CTDSP1: variants seen among roughly 807,000 people sequenced by gnomAD.
CTDSP1 encodes carboxy-terminal domain RNA polymerase II polypeptide A small phosphatase 1.
CTDSP1 carries 15 observed loss-of-function variants against 32.5 expected under a neutral mutation model. That is an observed-to-expected ratio of 0.46 (90% CI 0.31 to 0.71). The LOEUF (loss-of-function observed/expected upper bound fraction) is 0.71. Ranked by LOEUF, CTDSP1 falls within the 30% of genes least tolerant of loss-of-function variation. The pLI, the probability that CTDSP1 is intolerant of heterozygous loss-of-function variation, is 0.05. For missense variants in CTDSP1, 294 were observed against 351.1 expected (o/e 0.84, Z 1.30); for synonymous variants, 185 against 145.4 (o/e 1.27, Z -1.96).
At position 218,399,919 on chromosome 2, in the gene CTDSP1, G is replaced by A; in HGVS notation, c.-172G>A. 8.0e-7 allele frequency: 1 copy of A among 1,245,416 alleles called. No individual in the cohort carries two copies. Among genetic ancestry groups the A allele is most frequent in the Non-Finnish European group, 1.0e-6 (1 of 993,454 alleles). The allele number at this position is 1,245,416 out of a possible 1,614,324, so 77.1% of individuals were successfully genotyped here. ...CATGTTGTAACAAAGTTTCCTCCGC[G>A]CCCCCTCCCTCCCCCTCCCCCCTAG... On this transcript the variant is annotated 5_prime_UTR_variant, in exon 1 of 7. Transcript: ENST00000273062.
At chr2:218,402,714 G>A (rs781643021) in intron 4 of CTDSP1, 12 of 758,150 alleles carry the variant, frequency 1.6e-5, no homozygotes, top group African/African-American at 8.5e-5. Flanking sequence ...TACTTGGCTC[G>A]GGGACCGGTG....
upstream of CTDSP1, chr2:218,398,251 A>G: frequency 1.5e-6 from 1 of 667,240 alleles, no homozygotes; most frequent in Non-Finnish European, 2.6e-6. Flanking sequence ...CCTTGCCGGT[A>G]GACCCGAAGC....
chr2:218,399,676 G>A (rs1696997891), upstream of CTDSP1: 5 of 936,870 alleles, frequency 5.3e-6, no homozygotes, highest in Non-Finnish European at 6.4e-6. Context: ...CAGAGACTCA[G>A]CCCCGCCGGC....
chr2:218,402,994 G>GCCCCACTGGCCCGCAGCCC, intron 4 of CTDSP1, 41 bp from the exon 5 acceptor site: 1 of 1,482,514 alleles, frequency 6.7e-7, no homozygotes, highest in South Asian at 1.1e-5. Flanking sequence ...CCCCCACACT[G>GCCCCACTGGCCCGCAGCCC]CCCCACTGGC....
upstream of CTDSP1, chr2:218,398,485 A>C (rs1427818884): frequency 6.8e-7 from 1 of 1,479,750 alleles, no homozygotes; most frequent in Non-Finnish European, 9.0e-7. Context: ...CCGGGGTATC[A>C]GTCCCCGACA....
chr2:218,404,627 T>C lies in CTDSP1; in HGVS notation c.*202T>C, dbSNP rs1697326900. ...TGAGGACCGTGAGCTCCAGGCCCCG[T>C]GTCAGTGCCTTCAAACCTCCTCCCC... On this transcript the variant is annotated 3_prime_UTR_variant, in exon 7 of 7. Transcript: ENST00000273062. 2 of 583,062 alleles carry C rather than the reference T, an allele frequency of 3.4e-6. No homozygotes were observed. Among genetic ancestry groups the C allele is most frequent in the East Asian group, 6.0e-5 (2 of 33,316 alleles). The allele number at this position is 583,062 out of a possible 1,614,324, so 36.1% of individuals were successfully genotyped here.
intron 3 of CTDSP1, 32 bp from the exon 4 acceptor site, chr2:218,402,317 C>A (rs1206204057): frequency 6.2e-7 from 1 of 1,613,816 alleles, no homozygotes; most frequent in African/African-American, 1.3e-5. Context: ...GGGGCTCCTC[C>A]TCCAACTCCA....
upstream of CTDSP1, chr2:218,398,129 C>T (rs548059162): frequency 2.5e-5 from 12 of 486,340 alleles, no homozygotes; most frequent in South Asian, 1.5e-4. Context: ...CACACGCTTC[C>T]TTTTGGGGTC....
At chr2:218,401,993 G>A (rs751463399) in intron 2 of CTDSP1, 118 bp from the exon 3 acceptor site, 88 of 760,808 alleles carry the variant, frequency 1.2e-4, no homozygotes, top group Non-Finnish European at 1.9e-4. Flanking sequence ...TGGGAAGGGG[G>A]AAGTATCTGT....
At position 218,403,218 on chromosome 2, in the gene CTDSP1, C is replaced by T. The variant is rs893335202; in HGVS notation, c.472-14C>T. ...AACCTGCGGGCCCCAGGATGACCCA[C>T]CTCCTGCTCCCAGTACGCAGACCCA... On this transcript the variant is annotated splice_polypyrimidine_tract_variant and intron_variant, in intron 5 of 6. Transcript: ENST00000273062. 1 of 1,611,378 alleles carries T rather than the reference C, an allele frequency of 6.2e-7. No homozygotes were observed. The highest frequency in any genetic ancestry group is 1.7e-4 in the Middle Eastern group (1 of 6,060).
intron 6 of CTDSP1, among the ~76,000 whole-genome samples, chr2:218,404,052 C>A (rs1182384823): frequency 6.6e-6 from 1 of 151,356 alleles, no homozygotes; most frequent in Admixed American, 6.6e-5. Flanking sequence ...AGAGCAAGAC[C>A]CTGCCTCAAA....
chr2:218,399,710 C>G, upstream of CTDSP1: 1 of 991,270 alleles, frequency 1.0e-6, no homozygotes, highest in Non-Finnish European at 1.2e-6. Context: ...GGAGGCGACG[C>G]CCCCTGGAGC....
rs762028780 is a variant in CTDSP1 at position 218,401,564 on chromosome 2, G to A, written c.68G>A (p.Gly23Asp). Residue 23 changes from glycine to aspartate, a missense_variant and splice_region_variant, in exon 2 of 7, where the codon GGT (glycine) becomes GAT (aspartate). Gly to Asp is a moderately conservative substitution (Grantham distance 94). Coordinates refer to ENST00000273062, the MANE Select transcript of CTDSP1 (RefSeq NM_021198.3). ...EEARGPLRGK[G>D]DQKSAASQKP... ...TCCAACTTGTGCCTCCCTACTTCAG[G>A]TGACCAGAAGTCAGCAGCTTCCCAG... The A allele has an allele frequency of 3.1e-6, 5 of 1,613,846 alleles. No individual in the cohort carries two copies. In the East Asian group the frequency reaches 1.1e-4, roughly 36 times the overall value.
chr2:218,404,212 T>G (rs1697301833), intron 6 of CTDSP1, 85 bp from the exon 7 acceptor site: 1 of 1,522,982 alleles, frequency 6.6e-7, no homozygotes, highest in East Asian at 2.3e-5. Flanking sequence ...CTGCATGATC[T>G]GAGTAGTGGC....
chr2:218,402,122 C>A lies in CTDSP1; in HGVS notation c.228C>A (p.Val76=). The A allele has an allele frequency of 6.2e-7, 1 of 1,612,794 alleles. No individual in the cohort carries two copies. Among genetic ancestry groups the A allele is most frequent in the South Asian group, 1.1e-5 (1 of 90,938 alleles). Residue 76 remains valine (V), a synonymous_variant, in exon 3 of 7, where the codon GTC becomes GTA. Transcript: ENST00000273062. ...CGCCCTCCCTACAGCAGACCCCAGT[C>A]CAATACCTGCTCCCTGAGGCCAAGG... is the stretch of plus-strand genomic sequence containing the variant. ...ENGAIPKQTP[V]QYLLPEAKAQ...
chr2:218,401,604 G>C lies in CTDSP1; in HGVS notation c.108G>C (p.Arg36=), dbSNP rs532240927. ...CAGCTTCCCAGAAGCCCCGAAGCCGGGGCATCCTCCACTCACTCTTCTGCT... is the reference window on the plus strand; with the variant it reads ...CAGCTTCCCAGAAGCCCCGAAGCCGCGGCATCCTCCACTCACTCTTCTGCT... ...KSAASQKPRS[R]GILHSLFCCV... The change falls in exon 2 of 7, where the codon CGG becomes CGC. Residue 36 remains arginine (R), a synonymous_variant. Transcript: ENST00000273062. 4 of 1,613,950 alleles carry C rather than the reference G, an allele frequency of 2.5e-6. No homozygotes were observed. The South Asian group carries it at 4.4e-5, about 18-fold the overall frequency.
upstream of CTDSP1, chr2:218,399,479 T>G (rs917826618): frequency 1.3e-5 from 2 of 152,120 alleles, no homozygotes; most frequent in Admixed American, 1.3e-4. Flanking sequence ...GATGAGGTAG[T>G]GCTATCTCCA....
At chr2:218,401,755 G>T in intron 2 of CTDSP1, 43 bp downstream of exon 2, 1 of 1,505,720 alleles carries the variant, frequency 6.6e-7, no homozygotes, top group East Asian at 2.3e-5. Flanking sequence ...CCTGGACTCA[G>T]TCTTCAGGGC....
upstream of CTDSP1, chr2:218,398,494 C>T: frequency 2.0e-6 from 3 of 1,474,078 alleles, no homozygotes; most frequent in East Asian, 2.7e-5. Flanking sequence ...CAGTCCCCGA[C>T]AGTCCCCTCC....
Sources: gnomAD v4.1 joint callset for allele counts (sites outside exome capture counted in the v4.1 genomes callset) on GRCh38, gnomAD v4.1.1 for gene constraint, MANE v1.5 for transcripts, NCBI Gene and HGNC (gene_info 2026-07-23, HGNC 2026-07-21) for gene names.